The following PRKCE variants were observed in gnomAD, a reference collection of about 807,000 sequenced individuals.
The protein encoded by PRKCE is protein kinase C epsilon type.
PRKCE carries 16 observed loss-of-function variants against 85.4 expected under a neutral mutation model. The observed-to-expected ratio is 0.19, with a 90% CI of 0.13 to 0.28. The LOEUF (loss-of-function observed/expected upper bound fraction) is 0.28. PRKCE is among the 10% of genes least tolerant of loss of function. The probability of loss-of-function intolerance (pLI) is 1.00; values close to 1 mark genes in which losing one functional copy is unlikely to be tolerated. For synonymous variants in PRKCE, 388 were observed against 371.5 expected (o/e 1.04, Z -0.51); for missense variants, 573 against 975.2 (o/e 0.59, Z 5.49).
intron 6 of PRKCE, among the ~76,000 whole-genome samples, chr2:45,999,639 G>C (rs1348851879): frequency 6.6e-6 from 1 of 151,842 alleles, no homozygotes; most frequent in Non-Finnish European, 1.5e-5. Flanking sequence ...GGTTTGGTTT[G>C]GTGTCTGACA....
Position 46,141,573 on chromosome 2 carries a change from T to C in PRKCE, c.1593-3520T>C, listed in dbSNP as rs542648997. Among the ~76,000 whole-genome samples, 19 of 152,222 alleles carry C rather than the reference T, an allele frequency of 1.2e-4. No homozygotes were observed. In the East Asian group the frequency reaches 3.5e-3, roughly 28 times the overall value. On this transcript the variant is annotated intron_variant, in intron 11 of 14. Transcript: ENST00000306156. ...CATACTTTTTGGTTTTTTGAACACATGAAAGTATTACCTATTGAAGAAAAA... is the reference window on the plus strand; with the variant it reads ...CATACTTTTTGGTTTTTTGAACACACGAAAGTATTACCTATTGAAGAAAAA...
chr2:45,806,685 G>T (rs1688268152), intron 1 of PRKCE, among the ~76,000 whole-genome samples: 1 of 152,168 alleles, frequency 6.6e-6, no homozygotes, highest in Admixed American at 6.5e-5. Context: ...TACAGTACAT[G>T]TCCTTTTGTG....
intron 10 of PRKCE, among the ~76,000 whole-genome samples, chr2:46,013,959 A>C (rs1368395022): frequency 6.6e-6 from 1 of 152,222 alleles, no homozygotes; most frequent in African/African-American, 2.4e-5. Flanking sequence ...CATTGGCATC[A>C]GTCATGATGA....
chr2:45,962,773 G>C (rs1701466810), intron 2 of PRKCE, among the ~76,000 whole-genome samples: 1 of 152,162 alleles, frequency 6.6e-6, no homozygotes, highest in South Asian at 2.1e-4. Flanking sequence ...AGCAGCGGGG[G>C]TGTCAGGGAG....
rs1281553402 is a variant in PRKCE, at chr2:46,187,441, C to A, written c.*2560C>A. On this transcript the variant is annotated 3_prime_UTR_variant, in exon 15 of 15. Transcript: ENST00000306156. The stretch of plus-strand genomic sequence containing the variant: ...GTCTATAGAAAAAGGCTTGCGTGTT[C>A]GTTGAGTAATCATTGTTTCATTTTC... 6.6e-6 allele frequency: 1 copy of A among 152,546 alleles called. No individual in the cohort carries two copies. The highest frequency in any genetic ancestry group is 2.4e-5 in the African/African-American group (1 of 41,424). 9.4% of individuals were successfully genotyped at this position (152,546 alleles called of 1,614,324 possible).
At chr2:45,683,250 A>G (rs1366279504) in intron 1 of PRKCE, among the ~76,000 whole-genome samples, 1 of 152,192 alleles carries the variant, frequency 6.6e-6, no homozygotes, top group Non-Finnish European at 1.5e-5. Context: ...CCTGCAGGTA[A>G]TTCAGTGCCA....
At chr2:46,009,250 A>G (rs189350831) in intron 9 of PRKCE, among the ~76,000 whole-genome samples, 1 of 152,334 alleles carries the variant, frequency 6.6e-6, no homozygotes, top group Non-Finnish European at 1.5e-5. Context: ...ATTCTTTTCA[A>G]TAGAATAAAA....
intron 3 of PRKCE, 39 bp from the exon 4 acceptor site, chr2:45,978,937 A>G (rs757919020): frequency 1.3e-6 from 2 of 1,591,132 alleles, no homozygotes; most frequent in Non-Finnish European, 1.7e-6. Flanking sequence ...ACCTGGTAAG[A>G]TTTCACTTTT....
chr2:46,053,188 A>G (rs1708962502), intron 10 of PRKCE, among the ~76,000 whole-genome samples: 1 of 152,220 alleles, frequency 6.6e-6, no homozygotes, highest in African/African-American at 2.4e-5. Flanking sequence ...TCTGGGGAGA[A>G]AGCTGTTTGG....
At chr2:45,916,674 G>C (rs1399259667) in intron 2 of PRKCE, among the ~76,000 whole-genome samples, 1 of 152,136 alleles carries the variant, frequency 6.6e-6, no homozygotes, top group Non-Finnish European at 1.5e-5. Flanking sequence ...TTAGATTACA[G>C]TACATTTAAA....
chr2:46,181,613 C>G (rs763268646), intron 14 of PRKCE, among the ~76,000 whole-genome samples: 2 of 152,200 alleles, frequency 1.3e-5, no homozygotes, highest in East Asian at 1.9e-4. Flanking sequence ...ATTCAGACAT[C>G]CTGTAGGATC....
intron 1 of PRKCE, among the ~76,000 whole-genome samples, chr2:45,746,305 A>G (rs560175386): frequency 1.5e-4 from 23 of 152,312 alleles, no homozygotes; most frequent in African/African-American, 5.5e-4. Flanking sequence ...GGTATCTAAT[A>G]GGCTTCTCAC....
chr2:45,941,942 G>A (rs886613058), intron 2 of PRKCE, among the ~76,000 whole-genome samples: 3 of 152,202 alleles, frequency 2.0e-5, no homozygotes, highest in African/African-American at 4.8e-5. Flanking sequence ...TAAAACAGGA[G>A]AATCAAGCAA....
At chr2:45,845,584 A>G (rs1691719060) in intron 2 of PRKCE, 1 of 152,200 alleles carries the variant, frequency 6.6e-6, no homozygotes, top group South Asian at 2.1e-4. Context: ...GCAAATTCCA[A>G]GGAGCTCAGA....
intron 10 of PRKCE, among the ~76,000 whole-genome samples, chr2:46,047,083 G>T (rs1295972884): frequency 6.6e-6 from 1 of 152,172 alleles, no homozygotes; most frequent in Non-Finnish European, 1.5e-5. Flanking sequence ...TTCGAGAAAT[G>T]ATTGAGGCAG....
At chr2:45,729,693 T>C (rs1198599971) in intron 1 of PRKCE, among the ~76,000 whole-genome samples, 1 of 152,190 alleles carries the variant, frequency 6.6e-6, no homozygotes, top group African/African-American at 2.4e-5. Context: ...GGCTTATTTT[T>C]TAAGTTTGAG....
chr2:45,802,180 G>T (rs376221836), intron 1 of PRKCE, among the ~76,000 whole-genome samples: 1 of 151,960 alleles, frequency 6.6e-6, no homozygotes, highest in African/African-American at 2.4e-5. Context: ...TGAGGCAGGA[G>T]TTGAAGCTCA....
At chr2:45,919,383 A>G (rs1206157992) in intron 2 of PRKCE, among the ~76,000 whole-genome samples, 1 of 152,230 alleles carries the variant, frequency 6.6e-6, no homozygotes, top group Admixed American at 6.5e-5. Context: ...TTACTTGGCT[A>G]GAGAAACCAC....
At chr2:45,802,379 ATT>A (rs1483400689) in intron 1 of PRKCE, among the ~76,000 whole-genome samples, 1 of 152,216 alleles carries the variant, frequency 6.6e-6, no homozygotes, top group African/African-American at 2.4e-5. Context: ...AGGCTATTAT[ATT>A]TTATATTGGT....
Sources: gnomAD v4.1 joint callset for allele counts (sites outside exome capture counted in the v4.1 genomes callset) on GRCh38, gnomAD v4.1.1 for gene constraint, MANE v1.5 for transcripts, NCBI Gene and HGNC (gene_info 2026-07-23, HGNC 2026-07-21) for gene names.